The following CDK14 variants were observed in gnomAD, a reference collection of about 807,000 sequenced individuals.
The protein encoded by CDK14 is cyclin dependent kinase 14.
In CDK14, 34 loss-of-function variants were observed where a neutral mutation model predicts 60.7. The ratio of observed to expected loss-of-function variants is 0.56; its 90% CI spans 0.43 to 0.75. The LOEUF (loss-of-function observed/expected upper bound fraction) is 0.75, where lower values mean the gene tolerates loss of function less well. Among genes scored for constraint, CDK14 ranks in the 30% least tolerant of loss-of-function variants. The pLI is 0.00. For synonymous variants in CDK14, 197 were observed against 203.7 expected, an observed-to-expected ratio of 0.97 and a Z score of 0.28; for missense variants, 482 against 564.1, an observed-to-expected ratio of 0.85 and a Z score of 1.47.
In CDK14 at chr7:90,652,343, A is replaced by T. The variant is rs6942748; in HGVS notation, c.123+48094A>T. 5.2e-3 allele frequency among the ~76,000 whole-genome samples: 788 copies of T among 152,362 alleles called. 12 individuals carry two copies. The highest frequency in any genetic ancestry group is 0.018 in the African/African-American group (754 of 41,580). On this transcript the variant is annotated intron_variant, in intron 2 of 14. Transcript: ENST00000380050. Reference sequence around the variant, plus strand: ...ATCAAATGAACATTTTATAGACCAGAGGAAAATAGCTACTGATTTAATTAA... The same window carrying T: ...ATCAAATGAACATTTTATAGACCAGTGGAAAATAGCTACTGATTTAATTAA...
At chr7:90,977,372 T>C (rs1045363906) in intron 9 of CDK14, among the ~76,000 whole-genome samples, 2 of 152,072 alleles carry the variant, frequency 1.3e-5, no homozygotes, top group African/African-American at 4.8e-5. Context: ...TCTCCCCAGC[T>C]GACTAAAATT....
chr7:90,861,200 A>G (rs537037676), intron 5 of CDK14, among the ~76,000 whole-genome samples: 7 of 152,286 alleles, frequency 4.6e-5, no homozygotes, highest in African/African-American at 1.7e-4. Flanking sequence ...GGAGCAAGAT[A>G]TATCAATGGG....
chr7:90,649,832 TG>T (rs1391362303), intron 2 of CDK14, among the ~76,000 whole-genome samples: 1 of 152,182 alleles, frequency 6.6e-6, no homozygotes, highest in Non-Finnish European at 1.5e-5. Flanking sequence ...GGTGTATATG[TG>T]CCACATTTTC....
chr7:90,687,536 A>G (rs537090549), intron 2 of CDK14, among the ~76,000 whole-genome samples: 52 of 152,234 alleles, frequency 3.4e-4, no homozygotes, highest in Non-Finnish European at 4.4e-4. Context: ...CTGAAAGGAG[A>G]AATAATTAAG....
chr7:90,860,551 G>A (rs1264364104), intron 5 of CDK14, among the ~76,000 whole-genome samples: 1 of 134,170 alleles, frequency 7.5e-6, no homozygotes, highest in African/African-American at 2.8e-5. Flanking sequence ...TTTTGAGATA[G>A]AGTCTCACTA....
At chr7:90,726,155 C>T (rs763781213) in intron 2 of CDK14, 2 of 173,292 alleles carry the variant, frequency 1.2e-5, no homozygotes, top group African/African-American at 2.4e-5. Context: ...GCTGCTTACA[C>T]GATGACCCAT....
intron 5 of CDK14, among the ~76,000 whole-genome samples, chr7:90,834,369 C>T (rs547601779): frequency 1.2e-4 from 18 of 152,068 alleles, no homozygotes; most frequent in African/African-American, 3.9e-4. Flanking sequence ...AGATTGACTT[C>T]CTTGAAGACA....
chr7:90,666,981 C>G (rs1338709042), intron 2 of CDK14, among the ~76,000 whole-genome samples: 1 of 152,180 alleles, frequency 6.6e-6, no homozygotes, highest in Non-Finnish European at 1.5e-5. Flanking sequence ...CAACCCTTAG[C>G]AAGGTTTTGC....
At chr7:91,184,009 A>C (rs2115895813) in intron 14 of CDK14, among the ~76,000 whole-genome samples, 1 of 152,252 alleles carries the variant, frequency 6.6e-6, no homozygotes, top group African/African-American at 2.4e-5. Context: ...AGCCTGAGCA[A>C]CATAGTGAGT....
At chr7:91,205,985 G>T (rs777356256) in intron 14 of CDK14, among the ~76,000 whole-genome samples, 1 of 151,998 alleles carries the variant, frequency 6.6e-6, no homozygotes, top group African/African-American at 2.4e-5. Flanking sequence ...CAGTAGAGAC[G>T]GGGTTTCACC....
chr7:90,794,260 C>T (rs541306418), intron 5 of CDK14, among the ~76,000 whole-genome samples: 28 of 152,066 alleles, frequency 1.8e-4, no homozygotes, highest in South Asian at 6.2e-4. Context: ...AGGACCGGGG[C>T]GAAATTAAAA....
intron 2 of CDK14, among the ~76,000 whole-genome samples, chr7:90,653,443 CCTT>C (rs1443279198): frequency 6.6e-6 from 1 of 151,918 alleles, no homozygotes; most frequent in Non-Finnish European, 1.5e-5. Flanking sequence ...CTCTGTGTCT[CCTT>C]CTATCCTTTC....
In CDK14 at chr7:91,182,799, T is replaced by G. The variant is rs143961177; in HGVS notation, c.*29-24366T>G. On this transcript the variant is annotated intron_variant, in intron 14 of 14. Transcript: ENST00000380050. ...CTTAAAGGAAAAGCCTACACAAATATAAGAGATTCATATTAGAAAACCTAA... is the reference window on the plus strand; with the variant it reads ...CTTAAAGGAAAAGCCTACACAAATAGAAGAGATTCATATTAGAAAACCTAA... 1.6e-3 allele frequency among the ~76,000 whole-genome samples: 243 copies of G among 152,230 alleles called. 1 individual carries two copies. The highest frequency in any genetic ancestry group is 4.4e-3 in the African/African-American group (181 of 41,538).
At chr7:90,765,917 C>T (rs1804537391) in intron 4 of CDK14, among the ~76,000 whole-genome samples, 1 of 152,146 alleles carries the variant, frequency 6.6e-6, no homozygotes, top group South Asian at 2.1e-4. Context: ...GCTCTATTTT[C>T]TCTGTCACTT....
intron 11 of CDK14, among the ~76,000 whole-genome samples, chr7:91,059,406 C>T (rs978510403): frequency 1.3e-5 from 2 of 152,136 alleles, no homozygotes; most frequent in Non-Finnish European, 2.9e-5. Flanking sequence ...CTATTTCCTT[C>T]AGTTCTGCTC....
intron 2 of CDK14, among the ~76,000 whole-genome samples, chr7:90,649,435 C>T (rs576201415): frequency 2.3e-5 from 3 of 130,360 alleles, no homozygotes; most frequent in African/African-American, 8.8e-5. Flanking sequence ...CTTTCTTTCT[C>T]TTTCCTTCCT....
chr7:90,645,947 T>G (rs1800455600), intron 2 of CDK14, among the ~76,000 whole-genome samples: 1 of 152,184 alleles, frequency 6.6e-6, no homozygotes, highest in Non-Finnish European at 1.5e-5. Flanking sequence ...TCACTTAGTC[T>G]CAGAAAGGAT....
intron 11 of CDK14, among the ~76,000 whole-genome samples, chr7:91,055,932 GT>G (rs1797537199): frequency 6.6e-6 from 1 of 152,178 alleles, no homozygotes; most frequent in African/African-American, 2.4e-5. Context: ...GCCTTCCTAA[GT>G]TTGTAACCTA....
intron 5 of CDK14, among the ~76,000 whole-genome samples, chr7:90,823,984 G>A (rs1464615416): frequency 2.6e-5 from 4 of 152,066 alleles, no homozygotes; most frequent in Admixed American, 1.3e-4. Context: ...TCAAAATTTT[G>A]GGAAAGAAAA....
Sources: allele counts gnomAD v4.1 joint callset (sites outside exome capture counted in the v4.1 genomes callset), GRCh38; gene constraint gnomAD v4.1.1; transcripts MANE v1.5; gene names NCBI Gene and HGNC (gene_info 2026-07-23, HGNC 2026-07-21).